Variants in CNTN5 observed in about 807,000 individuals in gnomAD.
CNTN5 encodes the protein contactin 5.
Under a neutral mutation model 129.1 loss-of-function variants are expected in CNTN5, and 77 were observed. The observed-to-expected ratio is 0.60, with a 90% CI of 0.50 to 0.72. The LOEUF (loss-of-function observed/expected upper bound fraction) is 0.72. CNTN5 is among the 30% of genes least tolerant of loss of function. The pLI, the probability that CNTN5 is intolerant of heterozygous loss-of-function variation, is 0.00. For missense variants in CNTN5, 1,478 were observed against 1,328.8 expected (o/e 1.11, Z -1.75); for synonymous variants, 509 against 465.6 (o/e 1.09, Z -1.20).
chr11:100,089,284 C>T (rs1280638512), intron 13 of CNTN5, among the ~76,000 whole-genome samples: 1 of 151,940 alleles, frequency 6.6e-6, no homozygotes, highest in Non-Finnish European at 1.5e-5. Context: ...TCTGTACATG[C>T]AGCCAACAAA....
intron 8 of CNTN5, among the ~76,000 whole-genome samples, chr11:99,990,020 C>T (rs1266396162): frequency 6.6e-6 from 1 of 152,200 alleles, no homozygotes. Flanking sequence ...CCGCCTCAGC[C>T]TCCCAAAGTC....
chr11:100,337,519 G>A lies in CNTN5; in HGVS notation c.2731-2944G>A, dbSNP rs920706094. The stretch of plus-strand genomic sequence containing the variant: ...CAGGATCTCAAGAACCAGCTCAAAC[G>A]CATGTCTGTATCCCCAGTCAAGCAA... On this transcript the variant is annotated intron_variant, in intron 21 of 24. Coordinates refer to ENST00000524871, the MANE Select transcript of CNTN5 (RefSeq NM_014361.4). The A allele has an allele frequency of 4.1e-6, 3 of 739,770 alleles. No homozygotes were observed. The African/African-American group carries it at 5.2e-5, about 13-fold the overall frequency. 45.8% of individuals were successfully genotyped at this position (739,770 alleles called of 1,614,324 possible). A position where few individuals can be genotyped will look rare whatever the true frequency, so the allele number is the denominator to read the frequency against.
intron 1 of CNTN5, among the ~76,000 whole-genome samples, chr11:99,140,963 C>T (rs1859483887): frequency 6.6e-6 from 1 of 150,948 alleles, no homozygotes; most frequent in African/African-American, 2.4e-5. Context: ...TTTTGTTTTT[C>T]TGTTGTGTCT....
chr11:100,227,019 A>C (rs1020558015), intron 16 of CNTN5, among the ~76,000 whole-genome samples: 8 of 152,084 alleles, frequency 5.3e-5, no homozygotes, highest in Non-Finnish European at 7.4e-5. Context: ...CTTAAAGCAC[A>C]ATTATTCAAA....
At chr11:99,561,875 G>C (rs1948855107) in intron 3 of CNTN5, among the ~76,000 whole-genome samples, 1 of 152,080 alleles carries the variant, frequency 6.6e-6, no homozygotes, top group African/African-American at 2.4e-5. Context: ...CTAAGGAAAT[G>C]TCAGTCAAGT....
chr11:99,116,724 A>G (rs1858062917), intron 1 of CNTN5, among the ~76,000 whole-genome samples: 1 of 152,204 alleles, frequency 6.6e-6, no homozygotes, highest in African/African-American at 2.4e-5. Context: ...ATCTGACTTG[A>G]GAAAGTGGGT....
At chr11:100,285,202 T>C (rs192900899) in intron 18 of CNTN5, among the ~76,000 whole-genome samples, 1 of 152,250 alleles carries the variant, frequency 6.6e-6, no homozygotes, top group Non-Finnish European at 1.5e-5. Context: ...CTAGTAATCA[T>C]GAAAAAGTAT....
intron 13 of CNTN5, among the ~76,000 whole-genome samples, chr11:100,125,230 G>A (rs187166438): frequency 9.9e-5 from 15 of 152,080 alleles, no homozygotes; most frequent in Middle Eastern, 3.4e-3. Context: ...TATTAACTGG[G>A]TATATTGCAT....
At chr11:99,487,417 A>C (rs1350264572) in intron 2 of CNTN5, among the ~76,000 whole-genome samples, 2 of 152,212 alleles carry the variant, frequency 1.3e-5, no homozygotes, top group South Asian at 4.1e-4. Flanking sequence ...TGTCACAAAT[A>C]AGATGCTTCT....
chr11:100,192,607 A>G lies in CNTN5; in HGVS notation c.1709-881A>G, dbSNP rs754775441. On this transcript the variant is annotated intron_variant, in intron 14 of 24. Transcript: ENST00000524871. The stretch of plus-strand genomic sequence containing the variant: ...TGTCTTGAGGTATCTATGACCAGGA[A>G]TCTAACTAGGAAAGAAGATAAAACC... 2.4e-4 allele frequency among the ~76,000 whole-genome samples: 36 copies of G among 151,996 alleles called. 1 individual carries two copies. The highest frequency in any genetic ancestry group is 4.6e-4 in the Admixed American group (7 of 15,216).
At chr11:99,937,347 A>C (rs922964247) in intron 7 of CNTN5, among the ~76,000 whole-genome samples, 1 of 152,206 alleles carries the variant, frequency 6.6e-6, no homozygotes, top group Non-Finnish European at 1.5e-5. Flanking sequence ...TACACATTGC[A>C]AAAAGGCATG....
chr11:99,839,265 A>G (rs1330810544), intron 4 of CNTN5, among the ~76,000 whole-genome samples: 1 of 152,202 alleles, frequency 6.6e-6, no homozygotes, highest in Non-Finnish European at 1.5e-5. Flanking sequence ...GTAAGTCACC[A>G]GCCCTTAAAA....
intron 15 of CNTN5, among the ~76,000 whole-genome samples, chr11:100,213,431 T>G (rs558467317): frequency 1.3e-5 from 2 of 152,310 alleles, no homozygotes; most frequent in African/African-American, 4.8e-5. Flanking sequence ...CAATGAGCAG[T>G]AGTAGAATAT....
chr11:99,757,831 T>C (rs11823438), intron 3 of CNTN5, among the ~76,000 whole-genome samples: 10,854 of 152,094 alleles, frequency 0.071, 633 homozygotes, highest in African/African-American at 0.16. Context: ...TATATAAAAG[T>C]ATGATAAATC....
intron 16 of CNTN5, among the ~76,000 whole-genome samples, chr11:100,233,266 G>C (rs1949532767): frequency 6.6e-6 from 1 of 152,150 alleles, no homozygotes; most frequent in African/African-American, 2.4e-5. Context: ...GAAAAAGAGA[G>C]AGGTAGGGAA....
intron 13 of CNTN5, among the ~76,000 whole-genome samples, chr11:100,088,665 C>T (rs930018663): frequency 6.6e-6 from 1 of 152,044 alleles, no homozygotes; most frequent in African/African-American, 2.4e-5. Context: ...TGAAAACACA[C>T]ATTCTCCCAA....
intron 8 of CNTN5, among the ~76,000 whole-genome samples, chr11:99,997,238 T>G (rs1202170966): frequency 6.6e-6 from 1 of 152,188 alleles, no homozygotes; most frequent in African/African-American, 2.4e-5. Flanking sequence ...TCTATTTCCT[T>G]CAGTCCTGCT....
chr11:100,006,259 G>A (rs1459931923), intron 9 of CNTN5, among the ~76,000 whole-genome samples: 1 of 152,024 alleles, frequency 6.6e-6, no homozygotes, highest in African/African-American at 2.4e-5. Context: ...GACTGATAAG[G>A]GTGGTGGCTG....
At chr11:99,347,237 G>A (rs1937954934) in intron 2 of CNTN5, among the ~76,000 whole-genome samples, 1 of 152,138 alleles carries the variant, frequency 6.6e-6, no homozygotes, top group African/African-American at 2.4e-5. Flanking sequence ...CTGTCACGTG[G>A]ATAGTTGTGG....
Sources: gnomAD v4.1 joint callset for allele counts (sites outside exome capture counted in the v4.1 genomes callset) on GRCh38, gnomAD v4.1.1 for gene constraint, MANE v1.5 for transcripts, NCBI Gene and HGNC (gene_info 2026-07-23, HGNC 2026-07-21) for gene names.